Variants in NLGN1 observed in about 807,000 individuals in gnomAD.
The protein encoded by NLGN1 is neuroligin 1, also known as neuroligin-1.
NLGN1 carries 12 observed loss-of-function variants against 65.5 expected under a neutral mutation model. The ratio of observed to expected loss-of-function variants is 0.18; its 90% CI spans 0.12 to 0.30. NLGN1 has a LOEUF of 0.30. Ranked by LOEUF, NLGN1 falls within the 10% of genes least tolerant of loss-of-function variation. NLGN1 has a pLI of 1.00. For missense variants in NLGN1, 750 were observed against 1,007.1 expected (o/e 0.74, Z 3.46); for synonymous variants, 350 against 359.5 (o/e 0.97, Z 0.30).
intron 4 of NLGN1, among the ~76,000 whole-genome samples, chr3:173,997,628 T>C (rs751377440): frequency 1.3e-5 from 2 of 152,074 alleles, no homozygotes; most frequent in Non-Finnish European, 1.5e-5. Context: ...ATGAGGAAGG[T>C]AGTATTATCA....
At chr3:174,273,932 T>C (rs73040906) in intron 4 of NLGN1, among the ~76,000 whole-genome samples, 2,907 of 151,812 alleles carry the variant, frequency 0.019, 89 homozygotes, top group African/African-American at 0.067. Context: ...GCTAACCTGA[T>C]AGGTAGTGTT....
At chr3:173,678,813 T>C (rs1010895372) in intron 3 of NLGN1, among the ~76,000 whole-genome samples, 2 of 152,140 alleles carry the variant, frequency 1.3e-5, no homozygotes, top group Non-Finnish European at 2.9e-5. Flanking sequence ...ACAGATCTAA[T>C]CTAGGTGAGA....
chr3:173,999,037 A>G (rs1722797026), intron 4 of NLGN1, among the ~76,000 whole-genome samples: 3 of 152,228 alleles, frequency 2.0e-5, no homozygotes, highest in Admixed American at 2.0e-4. Flanking sequence ...AGGATCAGCA[A>G]TAATCTTCAG....
chr3:173,758,815 T>A (rs182265093), intron 3 of NLGN1, among the ~76,000 whole-genome samples: 13 of 152,112 alleles, frequency 8.5e-5, no homozygotes, highest in Non-Finnish European at 1.8e-4. Context: ...GCAGTGTAGG[T>A]TCTGATATCA....
intron 3 of NLGN1, among the ~76,000 whole-genome samples, chr3:173,732,773 A>G (rs534281009): frequency 1.2e-4 from 18 of 152,124 alleles, no homozygotes; most frequent in Non-Finnish European, 2.5e-4. Flanking sequence ...AGTCATTTCT[A>G]CAAGCCTCTT....
intron 2 of NLGN1, among the ~76,000 whole-genome samples, chr3:173,462,936 T>C (rs1723651513): frequency 6.6e-6 from 1 of 152,204 alleles, no homozygotes; most frequent in African/African-American, 2.4e-5. Context: ...TCAGTCTGTG[T>C]TTTCTTAGCT....
intron 1 of NLGN1, among the ~76,000 whole-genome samples, chr3:173,405,484 C>G (rs903543776): frequency 6.6e-6 from 1 of 151,994 alleles, no homozygotes; most frequent in African/African-American, 2.4e-5. Flanking sequence ...GTGTCAGAGT[C>G]AATGAAATAT....
chr3:173,523,006 C>A (rs1308317932), intron 2 of NLGN1, among the ~76,000 whole-genome samples: 2 of 151,540 alleles, frequency 1.3e-5, no homozygotes, highest in African/African-American at 4.8e-5. Context: ...TTTTAATTTG[C>A]ATTTCTCTAA....
intron 2 of NLGN1, among the ~76,000 whole-genome samples, chr3:173,471,663 A>G (rs1725336033): frequency 6.6e-6 from 1 of 152,108 alleles, no homozygotes; most frequent in Non-Finnish European, 1.5e-5. Flanking sequence ...TAATTCAACT[A>G]ATAACAATAG....
intron 4 of NLGN1, among the ~76,000 whole-genome samples, chr3:173,839,013 A>G (rs1210102687): frequency 1.3e-5 from 2 of 151,738 alleles, no homozygotes; most frequent in South Asian, 2.1e-4. Flanking sequence ...TCTTAATTTT[A>G]TATCATCAGG....
intron 4 of NLGN1, among the ~76,000 whole-genome samples, chr3:174,086,234 C>CAT (rs140957881): frequency 2.2e-3 from 8 of 3,674 alleles, no homozygotes; most frequent in African/African-American, 4.0e-3. Context: ...TGTATGTGCA[C>CAT]ATATATATTT....
At chr3:174,078,995 G>A (rs573167965) in intron 4 of NLGN1, among the ~76,000 whole-genome samples, 3 of 145,970 alleles carry the variant, frequency 2.1e-5, no homozygotes, top group Non-Finnish European at 3.0e-5. Flanking sequence ...GTAATACAAC[G>A]GTGTGTGTGT....
chr3:174,156,286 G>A lies in NLGN1; in HGVS notation c.647-119029G>A, dbSNP rs556226299. 4.2e-4 allele frequency among the ~76,000 whole-genome samples: 64 copies of A among 151,894 alleles called. 1 individual carries two copies. Among genetic ancestry groups the A allele is most frequent in the Admixed American group, 3.0e-3 (45 of 15,172 alleles). On this transcript the variant is annotated intron_variant, in intron 4 of 6. Transcript: ENST00000457714. ...ATGTTTTTAACTAACAGCTATTTCC[G>A]GAACATTGTATTTCTCTGGGAAAGC...
intron 2 of NLGN1, among the ~76,000 whole-genome samples, chr3:173,539,538 T>C (rs1489827204): frequency 2.1e-5 from 3 of 143,994 alleles, no homozygotes; most frequent in Non-Finnish European, 4.5e-5. Flanking sequence ...TATACATATG[T>C]ATATATAAAA....
intron 4 of NLGN1, among the ~76,000 whole-genome samples, chr3:174,013,693 G>A (rs560129292): frequency 6.6e-6 from 1 of 152,178 alleles, no homozygotes; most frequent in East Asian, 1.9e-4. Context: ...TGAGTCTAAT[G>A]TTTTCTTTTC....
At chr3:174,252,644 G>T (rs1164885617) in intron 4 of NLGN1, among the ~76,000 whole-genome samples, 1 of 152,016 alleles carries the variant, frequency 6.6e-6, no homozygotes. Flanking sequence ...GTTACTGAAG[G>T]CTCTTCCAGC....
At chr3:174,166,083 C>CT (rs964446934) in intron 4 of NLGN1, among the ~76,000 whole-genome samples, 2 of 151,510 alleles carry the variant, frequency 1.3e-5, no homozygotes, top group African/African-American at 4.8e-5. Flanking sequence ...GGATCTTCTC[C>CT]TTTTTTTTCT....
chr3:174,067,031 GT>G (rs991913590), intron 4 of NLGN1, among the ~76,000 whole-genome samples: 7 of 152,064 alleles, frequency 4.6e-5, no homozygotes, highest in African/African-American at 1.7e-4. Context: ...TTCTGAATTT[GT>G]TGTTTAATAA....
chr3:173,714,458 A>G (rs1240144833), intron 3 of NLGN1, among the ~76,000 whole-genome samples: 1 of 152,168 alleles, frequency 6.6e-6, no homozygotes, highest in Non-Finnish European at 1.5e-5. Context: ...GGTGATGAAA[A>G]AGGCACTGTT....
Sources: gnomAD v4.1 joint callset for allele counts (sites outside exome capture counted in the v4.1 genomes callset) on GRCh38, gnomAD v4.1.1 for gene constraint, MANE v1.5 for transcripts, NCBI Gene and HGNC (gene_info 2026-07-23, HGNC 2026-07-21) for gene names.